Variants in TMEM178B observed in about 807,000 individuals in gnomAD.
TMEM178B encodes the protein transmembrane protein 178B.
TMEM178B carries 5 observed loss-of-function variants against 31.0 expected under a neutral mutation model. The ratio of observed to expected loss-of-function variants is 0.16; its 90% confidence interval spans 0.08 to 0.34. The LOEUF is 0.34. Among genes scored for constraint, TMEM178B ranks in the 10% least tolerant of loss-of-function variants. The probability of loss-of-function intolerance (pLI) is 1.00; values close to 1 mark genes in which losing one functional copy is unlikely to be tolerated. For missense variants in TMEM178B, 275 were observed against 400.3 expected (o/e 0.69, Z 2.67); for synonymous variants, 164 against 164.0 (o/e 1.00, Z 0.00).
chr7:141,153,777 G>A (rs1018564181), intron 1 of TMEM178B, among the ~76,000 whole-genome samples: 3 of 151,920 alleles, frequency 2.0e-5, no homozygotes, highest in Admixed American at 6.5e-5. Context: ...TATTGATTTG[G>A]ATGAGCTCTT....
the TMEM178B span, among the ~76,000 whole-genome samples, chr7:141,504,400 C>T: frequency 9.9e-4 from 151 of 152,184 alleles, 1 homozygote; most frequent in African/African-American, 3.4e-3. Flanking sequence ...TTTAACTGGT[C>T]ATTTTATGTA....
intron 2 of TMEM178B, among the ~76,000 whole-genome samples, chr7:141,330,488 G>C (rs1397217852): frequency 6.6e-6 from 1 of 152,166 alleles, no homozygotes; most frequent in Non-Finnish European, 1.5e-5. Flanking sequence ...GTATTCCATG[G>C]TGTATATGTA....
At chr7:141,078,232 A>T (rs191443677) in intron 1 of TMEM178B, among the ~76,000 whole-genome samples, 1 of 152,274 alleles carries the variant, frequency 6.6e-6, no homozygotes, top group East Asian at 1.9e-4. Context: ...TATAGGTAGG[A>T]TTTTGTTCTA....
At position 141,470,956 on chromosome 7, in the gene TMEM178B, A is replaced by G. The variant is rs983574299; in HGVS notation, c.*170A>G. ...GTTGCCTCATCTCTGAGATGGGGAAAGTTTTTCCATCCTGTGGCTCTTCCA... is the reference window on the plus strand; with the variant it reads ...GTTGCCTCATCTCTGAGATGGGGAAGGTTTTTCCATCCTGTGGCTCTTCCA... On this transcript the variant is annotated 3_prime_UTR_variant, in exon 4 of 4. Coordinates refer to ENST00000565468, the MANE Select transcript of TMEM178B (RefSeq NM_001195278.2). The G allele has an allele frequency of 5.5e-5, 13 of 237,352 alleles. No individual in the cohort carries two copies. The highest frequency in any genetic ancestry group is 3.0e-4 in the African/African-American group (13 of 43,154). 14.7% of individuals were successfully genotyped at this position (237,352 alleles called of 1,614,324 possible). A position where few individuals can be genotyped will look rare whatever the true frequency, so the allele number is the denominator to read the frequency against.
intron 2 of TMEM178B, among the ~76,000 whole-genome samples, chr7:141,229,352 C>T (rs1233904215): frequency 1.3e-5 from 2 of 152,062 alleles, no homozygotes; most frequent in Non-Finnish European, 2.9e-5. Context: ...GCTACTCTGG[C>T]AGCATGCATT....
At chr7:141,434,671 T>C (rs1342755812) in intron 2 of TMEM178B, among the ~76,000 whole-genome samples, 4 of 152,240 alleles carry the variant, frequency 2.6e-5, no homozygotes, top group Non-Finnish European at 5.9e-5. Flanking sequence ...AAGTACACAA[T>C]ACATTTTTGC....
chr7:141,445,198 C>T (rs769921194), intron 3 of TMEM178B, among the ~76,000 whole-genome samples: 15 of 152,064 alleles, frequency 9.9e-5, no homozygotes, highest in South Asian at 2.1e-4. Context: ...CATCTATACC[C>T]GCTCCACCAA....
At chr7:141,229,795 T>G (rs1029707167) in intron 2 of TMEM178B, among the ~76,000 whole-genome samples, 2 of 151,926 alleles carry the variant, frequency 1.3e-5, no homozygotes, top group African/African-American at 4.8e-5. Context: ...GAGGATTGTT[T>G]GAGCCTAGGT....
At chr7:141,112,122 G>A (rs1473944910) in intron 1 of TMEM178B, among the ~76,000 whole-genome samples, 2 of 152,138 alleles carry the variant, frequency 1.3e-5, no homozygotes, top group Non-Finnish European at 2.9e-5. Context: ...CATGAAGAAC[G>A]AACACACATA....
the TMEM178B span, among the ~76,000 whole-genome samples, chr7:141,506,576 C>A: frequency 2.6e-5 from 4 of 152,130 alleles, no homozygotes; most frequent in African/African-American, 9.7e-5. Context: ...CCTCTCGATC[C>A]CTCCTACAGC....
chr7:141,292,995 A>G lies in TMEM178B; in HGVS notation c.496+80291A>G, dbSNP rs150676357. On this transcript the variant is annotated intron_variant, in intron 2 of 3. Transcript: ENST00000565468. ...GCTCTGTGGAAGTGTTGAGCCTGCA[A>G]TAGTGAGATTGCCAGGGTCATGGCA... is the stretch of plus-strand genomic sequence containing the variant. Among the ~76,000 whole-genome samples, 386 of 152,244 alleles carry G rather than the reference A, an allele frequency of 2.5e-3. 2 individuals are homozygous for G. Among genetic ancestry groups the G allele is most frequent in the Middle Eastern group, 0.01 (3 of 294 alleles).
chr7:141,424,548 C>T (rs1455879523), intron 2 of TMEM178B, among the ~76,000 whole-genome samples: 1 of 152,180 alleles, frequency 6.6e-6, no homozygotes, highest in Admixed American at 6.5e-5. Context: ...CCTCATGATC[C>T]GTGCTTGGAA....
At chr7:141,152,807 A>G (rs976386034) in intron 1 of TMEM178B, among the ~76,000 whole-genome samples, 4 of 152,186 alleles carry the variant, frequency 2.6e-5, no homozygotes, top group Admixed American at 1.3e-4. Flanking sequence ...AAATACGTTC[A>G]TTTCTCTTTT....
intron 1 of TMEM178B, among the ~76,000 whole-genome samples, chr7:141,180,092 A>G (rs149116830): frequency 1.7e-3 from 258 of 152,342 alleles, no homozygotes; most frequent in East Asian, 6.6e-3. Flanking sequence ...GACACAGTAT[A>G]GAGAGAAATG....
intron 2 of TMEM178B, among the ~76,000 whole-genome samples, chr7:141,431,801 T>C (rs536432873): frequency 1.2e-3 from 179 of 152,276 alleles, no homozygotes; most frequent in African/African-American, 4.0e-3. Context: ...AAGCTATATA[T>C]ATGTTCCTGA....
intron 2 of TMEM178B, among the ~76,000 whole-genome samples, chr7:141,327,527 T>C (rs1799214577): frequency 6.6e-6 from 1 of 152,186 alleles, no homozygotes; most frequent in Non-Finnish European, 1.5e-5. Flanking sequence ...ACTTTTGATG[T>C]TATAGATTTC....
At position 141,420,117 on chromosome 7, in the gene TMEM178B, G is replaced by A. The variant is rs544001380; in HGVS notation, c.497-17491G>A. ...TTTCTTGACCTCCATATGTTAAATA[G>A]CAACTCTCCTACATCTACTTCATTA... On this transcript the variant is annotated intron_variant, in intron 2 of 3. Transcript: ENST00000565468. Among the ~76,000 whole-genome samples the A allele has an allele frequency of 2.6e-5, 4 of 152,150 alleles. No homozygotes were observed. The East Asian group carries it at 7.7e-4, about 29-fold the overall frequency.
At chr7:141,350,495 G>A (rs1270885374) in intron 2 of TMEM178B, among the ~76,000 whole-genome samples, 1 of 152,084 alleles carries the variant, frequency 6.6e-6, no homozygotes, top group Non-Finnish European at 1.5e-5. Context: ...TTGAAAACAT[G>A]AATAAATAAA....
At chr7:141,157,816 G>C (rs1235329990) in intron 1 of TMEM178B, among the ~76,000 whole-genome samples, 1 of 152,120 alleles carries the variant, frequency 6.6e-6, no homozygotes, top group Admixed American at 6.5e-5. Flanking sequence ...GCTCCTCTCT[G>C]AGATCCTCAT....
Sources: gnomAD v4.1 joint callset for allele counts (sites outside exome capture counted in the v4.1 genomes callset) on GRCh38, gnomAD v4.1.1 for gene constraint, MANE v1.5 for transcripts, NCBI Gene and HGNC (gene_info 2026-07-23, HGNC 2026-07-21) for gene names.